Variants in SLC25A26 observed in about 807,000 individuals in gnomAD.
SLC25A26 encodes mitochondrial S-adenosylmethionine carrier protein.
SLC25A26 carries 36 observed loss-of-function variants against 37.8 expected under a neutral mutation model. The ratio of observed to expected loss-of-function variants is 0.95; its 90% CI spans 0.73 to 1.26. The LOEUF (loss-of-function observed/expected upper bound fraction) is 1.26. Among genes scored for constraint, SLC25A26 ranks in the 50% most tolerant of loss-of-function variants. SLC25A26 has a pLI of 0.00. For missense variants in SLC25A26, 390 were observed against 331.1 expected (o/e 1.18, Z -1.38); for synonymous variants, 129 against 122.5 (o/e 1.05, Z -0.35).
chr3:66,286,480 A>G (rs903801390), intron 5 of SLC25A26, among the ~76,000 whole-genome samples: 1 of 151,794 alleles, frequency 6.6e-6, no homozygotes. Context: ...ATGCTTTTGC[A>G]TCTTTTAAAA....
intron 1 of SLC25A26, among the ~76,000 whole-genome samples, chr3:66,148,405 C>T (rs2106684615): frequency 6.6e-6 from 1 of 152,260 alleles, no homozygotes; most frequent in Admixed American, 6.5e-5. Context: ...AACATGTTTC[C>T]AGAGCCTGGG....
At chr3:66,144,351 T>C (rs917530857) in intron 1 of SLC25A26, among the ~76,000 whole-genome samples, 19 of 152,254 alleles carry the variant, frequency 1.2e-4, no homozygotes, top group African/African-American at 4.1e-4. Flanking sequence ...GGCCTCTTTT[T>C]TGGAATAAAG....
intron 1 of SLC25A26, among the ~76,000 whole-genome samples, chr3:66,222,886 CAGTAA>C (rs1576653562): frequency 6.6e-6 from 1 of 152,228 alleles, no homozygotes; most frequent in East Asian, 1.9e-4. Flanking sequence ...GATACACATG[CAGTAA>C]AGTATACTTT....
intron 1 of SLC25A26, among the ~76,000 whole-genome samples, chr3:66,166,369 A>C (rs2070425205): frequency 6.6e-6 from 1 of 152,168 alleles, no homozygotes; most frequent in Admixed American, 6.5e-5. Flanking sequence ...AATGACAAAG[A>C]CTCAAACAAC....
chr3:66,257,636 C>G (rs181129726), intron 3 of SLC25A26, among the ~76,000 whole-genome samples: 2 of 152,304 alleles, frequency 1.3e-5, no homozygotes, highest in African/African-American at 4.8e-5. Context: ...TATTATTTCA[C>G]TTCTTTGCTA....
At chr3:66,243,909 G>A (rs966582680) in intron 3 of SLC25A26, among the ~76,000 whole-genome samples, 2 of 152,184 alleles carry the variant, frequency 1.3e-5, no homozygotes, top group African/African-American at 4.8e-5. Flanking sequence ...TGTGGGCTCT[G>A]TCATGAAGGG....
rs563692466 is a variant in SLC25A26, at chr3:66,150,275, A to G, written c.-354+16291A>G. Among the ~76,000 whole-genome samples, 16 of 151,872 alleles carry G rather than the reference A, an allele frequency of 1.1e-4. No individual in the cohort carries two copies. The South Asian group carries it at 3.3e-3, about 32-fold the overall frequency. On this transcript the variant is annotated intron_variant, in intron 1 of 10. Transcript: ENST00000676754. The stretch of plus-strand genomic sequence containing the variant: ...TACTTTGGGAGGCCAAGGAGGGCAG[A>G]TCTCATGAGGTCAGGAGTTCAAGAC...
chr3:66,208,810 G>GTA (rs1464581581), intron 1 of SLC25A26, among the ~76,000 whole-genome samples: 68,680 of 100,360 alleles, frequency 0.68, 25,395 homozygotes, highest in Middle Eastern at 0.88. Flanking sequence ...CTTTACATGG[G>GTA]TATATATATA....
intron 1 of SLC25A26, among the ~76,000 whole-genome samples, chr3:66,180,701 C>T (rs2106756032): frequency 6.6e-6 from 1 of 151,668 alleles, no homozygotes; most frequent in South Asian, 2.1e-4. Context: ...TTAAAAAATC[C>T]TTCACTGGGG....
intron 1 of SLC25A26, among the ~76,000 whole-genome samples, chr3:66,149,247 G>A (rs1301674719): frequency 6.6e-6 from 1 of 152,254 alleles, no homozygotes; most frequent in African/African-American, 2.4e-5. Flanking sequence ...GGAGCTTTCA[G>A]GAGCTGGAGT....
chr3:66,167,867 A>T (rs1035380822), intron 1 of SLC25A26, among the ~76,000 whole-genome samples: 4 of 151,736 alleles, frequency 2.6e-5, no homozygotes, highest in African/African-American at 9.7e-5. Flanking sequence ...ATATATAGCT[A>T]CTCTGGCTGG....
At chr3:66,357,699 T>A (rs2076607572) in intron 6 of SLC25A26, among the ~76,000 whole-genome samples, 1 of 151,862 alleles carries the variant, frequency 6.6e-6, no homozygotes, top group Non-Finnish European at 1.5e-5. Context: ...ATTTAGAAAA[T>A]TTTCGGCAGA....
rs1559717091 is a variant in SLC25A26 at position 66,340,749 on chromosome 3, G to A, written c.454-5615G>A. ...CTGTTTTGATTATAGTAGTTTTAGA[G>A]TAAATCTTGAAATCAAATATTGTCA... On this transcript the variant is annotated intron_variant, in intron 5 of 9. Transcript: ENST00000354883. 2.0e-5 allele frequency among the ~76,000 whole-genome samples: 3 copies of A among 152,134 alleles called. No individual in the cohort carries two copies. In the East Asian group the frequency reaches 5.8e-4, roughly 29 times the overall value.
intron 7 of SLC25A26, among the ~76,000 whole-genome samples, chr3:66,366,335 C>T (rs928554088): frequency 6.6e-6 from 1 of 152,152 alleles, no homozygotes; most frequent in Non-Finnish European, 1.5e-5. Context: ...AAAGTCCTGG[C>T]CCCCAGCCCT....
At chr3:66,276,038 T>C (rs2074133210) in intron 5 of SLC25A26, among the ~76,000 whole-genome samples, 1 of 152,116 alleles carries the variant, frequency 6.6e-6, no homozygotes, top group Admixed American at 6.6e-5. Context: ...GTTTTTTAGA[T>C]GTGTAATTAA....
chr3:66,272,747 A>G (rs191749819), intron 5 of SLC25A26, among the ~76,000 whole-genome samples: 10 of 152,228 alleles, frequency 6.6e-5, no homozygotes, highest in Admixed American at 6.6e-4. Flanking sequence ...AACAGGGACA[A>G]TTTGACTTCC....
At chr3:66,144,437 T>C (rs80063184) in intron 1 of SLC25A26, among the ~76,000 whole-genome samples, 1 of 152,192 alleles carries the variant, frequency 6.6e-6, no homozygotes, top group Non-Finnish European at 1.5e-5. Context: ...CACACTGGTG[T>C]TCCCCAAGCA....
intron 5 of SLC25A26, among the ~76,000 whole-genome samples, chr3:66,328,400 C>T (rs1246798239): frequency 6.6e-6 from 1 of 152,164 alleles, no homozygotes; most frequent in East Asian, 1.9e-4. Flanking sequence ...AAACTCAGAA[C>T]ATGTGGTCCT....
intron 3 of SLC25A26, among the ~76,000 whole-genome samples, chr3:66,259,831 C>G (rs2073452450): frequency 6.6e-6 from 1 of 152,112 alleles, no homozygotes; most frequent in African/African-American, 2.4e-5. Context: ...TTCCCACTGA[C>G]TATGGAATGA....
Sources: allele counts gnomAD v4.1 joint callset (sites outside exome capture counted in the v4.1 genomes callset), GRCh38; gene constraint gnomAD v4.1.1; transcripts MANE v1.5; gene names NCBI Gene and HGNC (gene_info 2026-07-23, HGNC 2026-07-21).